The following ASXL2 variants were observed in gnomAD, a reference collection of about 807,000 sequenced individuals.
ASXL2 encodes ASXL transcriptional regulator 2.
A neutral mutation model predicts 122.0 loss-of-function variants in ASXL2; 23 were observed. That is an observed-to-expected ratio of 0.19 (90% CI 0.14 to 0.27). The LOEUF is 0.27. Among genes scored for constraint, ASXL2 ranks in the 10% least tolerant of loss-of-function variants. The pLI is 1.00. For synonymous variants in ASXL2, 650 were observed against 637.0 expected (o/e 1.02, Z -0.31); for missense variants, 1,518 against 1,713.8 (o/e 0.89, Z 2.02).
chr2:25,834,499 GCTTACAATAAACAGGTTC>G (rs2089486624), intron 3 of ASXL2, among the ~76,000 whole-genome samples: 1 of 151,954 alleles, frequency 6.6e-6, no homozygotes. Flanking sequence ...ACAAACTCTT[GCTTACAATAAACAGGTTC>G]TTACAAATGA....
rs1215889403 is a variant in ASXL2, at chr2:25,749,833, C to T, written c.1723G>A (p.Glu575Lys). 1 of 1,610,324 alleles carries T rather than the reference C, an allele frequency of 6.2e-7. No homozygotes were observed. Among genetic ancestry groups the T allele is most frequent in the Non-Finnish European group, 8.5e-7 (1 of 1,178,970 alleles). ...SLKRKSSLTQEEAPVSWEKRP... is the reference protein window; with the variant it reads ...SLKRKSSLTQKEAPVSWEKRP... ...TTCTCCCAGCTCACAGGGGCCTCTT[C>T]TTGGGTGAGGGAAGACTTCCTCTTG... The change falls in exon 12 of 13, where the codon GAA becomes AAA. Residue 575 changes from glutamate to lysine, a missense_variant. Physicochemically the swap from Glu to Lys is moderately conservative, Grantham distance 56. Around this residue, in one of 8 missense-constraint regions of ASXL2, gnomAD observed 292 missense variants for 293.5 expected, o/e 1.00. Coordinates refer to ENST00000435504, the MANE Select transcript of ASXL2 (RefSeq NM_018263.6).
At chr2:25,751,788 C>CTT (rs796171724) in intron 11 of ASXL2, among the ~76,000 whole-genome samples, 1 of 147,204 alleles carries the variant, frequency 6.8e-6, no homozygotes, top group Non-Finnish European at 1.5e-5. Flanking sequence ...TTATAGAACT[C>CTT]TTTTTTTTTT....
At chr2:25,770,025 C>G (rs7571093) in intron 6 of ASXL2, among the ~76,000 whole-genome samples, 48,895 of 152,072 alleles carry the variant, frequency 0.32, 8,412 homozygotes, top group African/African-American at 0.41. Flanking sequence ...CATTGATTAT[C>G]GCTTATTCTC....
intron 1 of ASXL2, among the ~76,000 whole-genome samples, chr2:25,846,785 C>T (rs1015375495): frequency 5.3e-5 from 8 of 152,228 alleles, no homozygotes; most frequent in African/African-American, 7.2e-5. Context: ...CCCTGCACTA[C>T]AGCCTGGGCA....
chr2:25,806,793 C>T (rs1425690799), intron 3 of ASXL2, among the ~76,000 whole-genome samples: 1 of 152,112 alleles, frequency 6.6e-6, no homozygotes, highest in Non-Finnish European at 1.5e-5. Flanking sequence ...TCAAACCTAT[C>T]ATGAGATCAC....
intron 3 of ASXL2, among the ~76,000 whole-genome samples, chr2:25,816,345 T>A (rs2089233792): frequency 6.6e-6 from 1 of 152,220 alleles, no homozygotes; most frequent in South Asian, 2.1e-4. Flanking sequence ...CTTGAATTAG[T>A]GTTTCCATTT....
At chr2:25,761,014 C>T (rs897979700) in intron 8 of ASXL2, among the ~76,000 whole-genome samples, 1 of 152,146 alleles carries the variant, frequency 6.6e-6, no homozygotes, top group African/African-American at 2.4e-5. Context: ...AGAGGGTCTA[C>T]ACTATATAGC....
chr2:25,854,651 C>T (rs1368816658), intron 1 of ASXL2, among the ~76,000 whole-genome samples: 1 of 152,174 alleles, frequency 6.6e-6, no homozygotes, highest in Non-Finnish European at 1.5e-5. Context: ...GCAAGTACAG[C>T]ATATGGCAAA....
In ASXL2 at chr2:25,878,424, T is replaced by A. The variant is rs2090029181; in HGVS notation, c.-202A>T. On this transcript the variant is annotated 5_prime_UTR_variant, in exon 1 of 13. Transcript: ENST00000435504. The stretch of plus-strand genomic sequence containing the variant: ...GGGGCGGCCGGTCCTCTTGCTGCCG[T>A]TGCCACTGCTACCGCCGCTGCCATA... 2 of 597,944 alleles carry A rather than the reference T, an allele frequency of 3.3e-6. No homozygotes were observed. The highest frequency in any genetic ancestry group is 3.0e-5 in the Admixed American group (1 of 33,394). The allele number at this position is 597,944 out of a possible 1,614,324, so 37.0% of individuals were successfully genotyped here.
Position 25,740,013 on chromosome 2 carries a change from T to C in ASXL2, c.*2016A>G, listed in dbSNP as rs1374974442. 1 of 224,720 alleles carries C rather than the reference T, an allele frequency of 4.4e-6. No individual in the cohort carries two copies. The highest frequency in any genetic ancestry group is 8.9e-6 in the Non-Finnish European group (1 of 112,652). 13.9% of individuals were successfully genotyped at this position (224,720 alleles called of 1,614,324 possible). A position where few individuals can be genotyped will look rare whatever the true frequency, so the allele number is the denominator to read the frequency against. ...ATATTTGGGAGCACCATTATTTCTG[T>C]TTTCTACTGGTTCTTGGCTTGAAAA... On this transcript the variant is annotated 3_prime_UTR_variant, in exon 13 of 13. Transcript: ENST00000435504.
chr2:25,739,793 C>G lies in ASXL2; in HGVS notation c.*2236G>C, dbSNP rs1427543173. 4.5e-6 allele frequency: 1 copy of G among 222,110 alleles called. No homozygotes were observed. The highest frequency in any genetic ancestry group is 9.0e-6 in the Non-Finnish European group (1 of 111,218). 13.8% of individuals were successfully genotyped at this position (222,110 alleles called of 1,614,324 possible). On this transcript the variant is annotated 3_prime_UTR_variant, in exon 13 of 13. Coordinates refer to ENST00000435504, the MANE Select transcript of ASXL2 (RefSeq NM_018263.6). The stretch of plus-strand genomic sequence containing the variant: ...CCTTTCTGACAGGAAAAAGGTAAAG[C>G]AGAAAAATCACTTTCATCAATCCAA...
chr2:25,758,517 G>C lies in ASXL2; in HGVS notation c.939+965C>G, dbSNP rs1254064157. 2.0e-5 allele frequency among the ~76,000 whole-genome samples: 3 copies of C among 152,092 alleles called. No individual in the cohort carries two copies. The East Asian group carries it at 5.8e-4, about 29-fold the overall frequency. ...TTCTATCTTCCTTTTACAGAGGGAG[G>C]AAACAGAAGATCAGAAGGGGGAGTG... On this transcript the variant is annotated intron_variant, in intron 9 of 12. Transcript: ENST00000435504.
At chr2:25,821,888 T>C (rs2089315479) in intron 3 of ASXL2, among the ~76,000 whole-genome samples, 1 of 152,202 alleles carries the variant, frequency 6.6e-6, no homozygotes, top group African/African-American at 2.4e-5. Context: ...CGGACACTAA[T>C]GAATGGATTC....
In ASXL2 at chr2:25,742,901, G is replaced by A. The variant is rs777370673; in HGVS notation, c.3436C>T (p.Pro1146Ser). Residue 1146 changes from proline (P) to serine (S), a missense_variant, in exon 13 of 13, where the codon CCT becomes TCT. Coordinates refer to ENST00000435504, the MANE Select transcript of ASXL2 (RefSeq NM_018263.6). ...CTGCTTAGACAAAAACGATCTTCAG[G>A]GTTTACAGAATGGGTCCTCCTAAAG... ...ESFRRTHSVNPEDRFCLSSPT... is the reference protein window; with the variant it reads ...ESFRRTHSVNSEDRFCLSSPT... The A allele has an allele frequency of 6.2e-7, 1 of 1,613,900 alleles. No individual in the cohort carries two copies. Among genetic ancestry groups the A allele is most frequent in the Non-Finnish European group, 8.5e-7 (1 of 1,179,876 alleles).
chr2:25,841,274 T>A (rs971435825), intron 2 of ASXL2, among the ~76,000 whole-genome samples: 2 of 151,882 alleles, frequency 1.3e-5, no homozygotes, highest in African/African-American at 4.8e-5. Flanking sequence ...CCAGCCTGGG[T>A]TACAGAGTGA....
intron 1 of ASXL2, among the ~76,000 whole-genome samples, chr2:25,852,893 CG>C (rs1462512380): frequency 6.6e-6 from 1 of 152,030 alleles, no homozygotes; most frequent in African/African-American, 2.4e-5. Flanking sequence ...CCACTTAATG[CG>C]GAGGGAAGAA....
chr2:25,770,861 T>G (rs2088436707), intron 6 of ASXL2, among the ~76,000 whole-genome samples: 1 of 152,192 alleles, frequency 6.6e-6, no homozygotes, highest in African/African-American at 2.4e-5. Flanking sequence ...TACCTATTCA[T>G]GATTTTAAAA....
At chr2:25,762,245 G>A (rs1480077810) in intron 8 of ASXL2, among the ~76,000 whole-genome samples, 1 of 129,120 alleles carries the variant, frequency 7.7e-6, no homozygotes. Flanking sequence ...CACTAAAAGA[G>A]AAATTGAGTG....
Position 25,786,243 on chromosome 2 carries a change from C to CTTTTTTTTTTTTTTTTTTTTT in ASXL2, c.403+13141_403+13142insAAAAAAAAAAAAAAAAAAAAA, listed in dbSNP as rs370316025. Among the ~76,000 whole-genome samples, 73 of 112,392 alleles carry CTTTTTTTTTTTTTTTTTTTTT rather than the reference C, an allele frequency of 6.5e-4. 11 individuals are homozygous for CTTTTTTTTTTTTTTTTTTTTT. The highest frequency in any genetic ancestry group is 3.2e-3 in the East Asian group (8 of 2,536). The allele number at this position is 112,392 out of a possible 152,430, so 73.7% of individuals were successfully genotyped here. On this transcript the variant is annotated intron_variant, in intron 5 of 12. Transcript: ENST00000435504. Reference sequence around the variant, plus strand: ...AAACAACCTACTACTCCACATCATTCTTTTTTTTTTTTTTTTGAGATGGAG... The same window carrying CTTTTTTTTTTTTTTTTTTTTT: ...AAACAACCTACTACTCCACATCATTCTTTTTTTTTTTTTTTTTTTTTTTTTTTTTTTTTTTTTGAGATGGAG...
Sources: gnomAD v4.1 joint callset for allele counts (sites outside exome capture counted in the v4.1 genomes callset) on GRCh38, gnomAD v4.1.1 for gene constraint, gnomAD v4.1.1 regional missense constraint, MANE v1.5 for transcripts, NCBI Gene and HGNC (gene_info 2026-07-23, HGNC 2026-07-21) for gene names.